Variants in ZNF213 observed in about 807,000 individuals in gnomAD.
The protein encoded by ZNF213 is zinc finger protein 213, also known as putative transcription factor CR53.
ZNF213 carries 32 observed loss-of-function variants against 46.0 expected under a neutral mutation model. That is an observed-to-expected ratio of 0.70 (90% confidence interval 0.52 to 0.93). ZNF213 has a LOEUF of 0.93. Among genes scored for constraint, ZNF213 ranks in the 40% least tolerant of loss-of-function variants. The pLI is 0.00. For missense variants in ZNF213, 639 were observed against 652.8 expected, an observed-to-expected ratio of 0.98 and a Z score of 0.23; for synonymous variants, 297 against 271.0, an observed-to-expected ratio of 1.10 and a Z score of -0.94.
rs745732868 is a variant in ZNF213 at position 3,138,458 on chromosome 16, G to A, written c.440G>A (p.Arg147Gln). 4.3e-5 allele frequency: 69 copies of A among 1,612,896 alleles called. 1 individual carries two copies. The highest frequency in any genetic ancestry group is 3.6e-4 in the South Asian group (33 of 91,014). The change falls in exon 3 of 6, where the codon CGG becomes CAG. Residue 147 changes from arginine to glutamine, a missense_variant. Transcript: ENST00000396878. ...SEEAEPEAAG[R>Q]GSQATGPPPT... is the part of the protein sequence containing the mutation. The stretch of plus-strand genomic sequence containing the variant: ...GAGGCGGAACCCGAGGCTGCAGGCC[G>A]GGGATCCCAGGCCACGGGGCCTCCC...
Position 3,139,068 on chromosome 16 carries a change from A to T in ZNF213, c.691A>T (p.Lys231Ter). 6.2e-7 allele frequency: 1 copy of T among 1,613,948 alleles called. No homozygotes were observed. Among genetic ancestry groups the T allele is most frequent in the Non-Finnish European group, 8.5e-7 (1 of 1,179,978 alleles). Residue 231 changes from lysine to a stop codon, truncating the protein, a stop_gained, in exon 5 of 6, where the codon AAG (lysine) becomes TAG (stop). Coordinates refer to ENST00000396878, the MANE Select transcript of ZNF213 (RefSeq NM_004220.3). LOFTEE classifies it high-confidence loss of function. The stretch of plus-strand genomic sequence containing the variant: ...TCAGCGGGATCTCTTCTGGGACATA[A>T]AGCGGGAGAACTCCCGGAACACCAC... ...PAQRDLFWDI[K>*]RENSRNTTLG...
intron 5 of ZNF213, 108 bp downstream of exon 5, chr16:3,139,206 A>G: frequency 6.8e-7 from 1 of 1,477,562 alleles, no homozygotes; most frequent in Non-Finnish European, 9.1e-7. Flanking sequence ...GGCTCTCCCT[A>G]GGTCTTGCCA....
In ZNF213 at chr16:3,137,675, G is replaced by C; in HGVS notation, c.395G>C (p.Arg132Pro). The C allele has an allele frequency of 1.2e-6, 2 of 1,613,230 alleles. No homozygotes were observed. The highest frequency in any genetic ancestry group is 1.7e-6 in the Non-Finnish European group (2 of 1,179,800). Residue 132 changes from arginine (R) to proline (P), a missense_variant, in exon 2 of 6, where the codon CGA becomes CCA. Arg to Pro is a moderately radical substitution (Grantham distance 103). Coordinates refer to ENST00000396878, the MANE Select transcript of ZNF213 (RefSeq NM_004220.3). Reference protein sequence around the residue: ...DLQKQPVKAWRQDVPSEEAEP... With the variant: ...DLQKQPVKAWPQDVPSEEAEP... ...CAGAAGCAGCCAGTGAAAGCCTGGCGACAGGTGAGGGGCCCTTCCACATCC... is the reference window on the plus strand; with the variant it reads ...CAGAAGCAGCCAGTGAAAGCCTGGCCACAGGTGAGGGGCCCTTCCACATCC...
In ZNF213 at chr16:3,138,777, C is replaced by G. The variant is rs376398072; in HGVS notation, c.556C>G (p.Pro186Ala). Residue 186 changes from proline (P) to alanine (A), a missense_variant, in exon 4 of 6, where the codon CCC becomes GCC. By Grantham distance (27) the Pro-to-Ala change is conservative. Coordinates refer to ENST00000396878, the MANE Select transcript of ZNF213 (RefSeq NM_004220.3). The stretch of plus-strand genomic sequence containing the variant: ...TCCTGCTCTTCTTAAAGAGGGTCGT[C>G]CCGGAGAGACGACGGACACCTGCTT... ...QPPALLKEGRPGETTDTCFVS... is the reference protein window; with the variant it reads ...QPPALLKEGRAGETTDTCFVS... The G allele has an allele frequency of 6.2e-7, 1 of 1,613,926 alleles. No homozygotes were observed. Among genetic ancestry groups the G allele is most frequent in the African/African-American group, 1.3e-5 (1 of 74,914 alleles).
intron 2 of ZNF213, 57 bp downstream of exon 2, chr16:3,137,736 T>C (rs1189188155): frequency 6.4e-7 from 1 of 1,568,710 alleles, no homozygotes; most frequent in East Asian, 2.3e-5. Context: ...TCGAGAGAAG[T>C]GGGTAACCTG....
Position 3,140,832 on chromosome 16 carries a change from G to C in ZNF213, c.865G>C (p.Ala289Pro). 6.3e-7 allele frequency: 1 copy of C among 1,590,876 alleles called. No individual in the cohort carries two copies. Among genetic ancestry groups the C allele is most frequent in the Non-Finnish European group, 8.5e-7 (1 of 1,171,960 alleles). Residue 289 changes from alanine to proline, a missense_variant, in exon 6 of 6, where the codon GCC becomes CCC. By Grantham distance (27) the Ala-to-Pro change is conservative. Transcript: ENST00000396878. ...GGAGAGCGAGAACCGGCCGAGGGCG[G>C]CCCTGGGCCCAGTGGTGGGCGCGCG... The part of the protein sequence containing the change: ...AWESENRPRA[A>P]LGPVVGARRG...
rs147991342 is a variant in ZNF213, at chr16:3,141,330, G to A, written c.1363G>A (p.Ala455Thr). 1,803 of 1,565,826 alleles carry A rather than the reference G, an allele frequency of 1.2e-3. 10 individuals carry two copies. The Middle Eastern group carries it at 0.016, about 14-fold the overall frequency. ...IAHQSLHAKMAQPVG is the reference protein window; with the variant it reads ...IAHQSLHAKMTQPVG ...GCATCAGAGCCTGCACGCCAAGATG[G>A]CCCAGCCCGTGGGGTGAGCAGCTGG... The change falls in exon 6 of 6, where the codon GCC (alanine) becomes ACC (threonine). Residue 455 changes from alanine to threonine, a missense_variant. Transcript: ENST00000396878.
At chr16:3,140,461 G>A (rs1165577938) in intron 5 of ZNF213, 3 of 517,366 alleles carry the variant, frequency 5.8e-6, no homozygotes, top group Non-Finnish European at 6.0e-6. Flanking sequence ...AACCTCAGGT[G>A]ATCAGCTCGC....
Position 3,141,313 on chromosome 16 carries a change from G to T in ZNF213, c.1346G>T (p.Ser449Ile). 1.3e-6 allele frequency: 2 copies of T among 1,589,078 alleles called. No homozygotes were observed. Among genetic ancestry groups the T allele is most frequent in the Non-Finnish European group, 8.6e-7 (1 of 1,168,716 alleles). ...CGCGCGCACCTCATCGCGCATCAGA[G>T]CCTGCACGCCAAGATGGCCCAGCCC... ...KQRAHLIAHQ[S>I]LHAKMAQPVG Residue 449 changes from serine (S) to isoleucine (I), a missense_variant, in exon 6 of 6, where the codon AGC becomes ATC. Coordinates refer to ENST00000396878, the MANE Select transcript of ZNF213 (RefSeq NM_004220.3).
chr16:3,135,152 T>G lies in ZNF213; in HGVS notation c.-351T>G, dbSNP rs1260570849. 2 of 152,798 alleles carry G rather than the reference T, an allele frequency of 1.3e-5. No individual in the cohort carries two copies. Among genetic ancestry groups the G allele is most frequent in the African/African-American group, 4.8e-5 (2 of 41,328 alleles). 9.5% of individuals were successfully genotyped at this position (152,798 alleles called of 1,614,324 possible). ...GGCGGGGACGGGGCCTCTGGCCGCC[T>G]GGCTCCAACATCAAGCACCGGGCTC... is the stretch of plus-strand genomic sequence containing the variant. On this transcript the variant is annotated 5_prime_UTR_variant, in exon 1 of 6. Coordinates refer to ENST00000396878, the MANE Select transcript of ZNF213 (RefSeq NM_004220.3).
In ZNF213 at chr16:3,138,422, T is replaced by C. The variant is rs774105754; in HGVS notation, c.404T>C (p.Val135Ala). 12 of 1,613,404 alleles carry C rather than the reference T, an allele frequency of 7.4e-6. No individual in the cohort carries two copies. The East Asian group carries it at 8.9e-5, about 12-fold the overall frequency. ...KQPVKAWRQD[V>A]PSEEAEPEAA... ...CATGTTGTGGTTCCTGCACAGGATG[T>C]GCCCTCGGAGGAGGCGGAACCCGAG... The change falls in exon 3 of 6, where the codon GTG becomes GCG. Residue 135 changes from valine (V) to alanine (A), a missense_variant. Physicochemically the swap from Val to Ala is moderately conservative, Grantham distance 64. Coordinates refer to ENST00000396878, the MANE Select transcript of ZNF213 (RefSeq NM_004220.3).
At position 3,138,519 on chromosome 16, in the gene ZNF213, C is replaced by T. The variant is rs199892036; in HGVS notation, c.501C>T (p.Pro167=). 8.1e-6 allele frequency: 13 copies of T among 1,614,060 alleles called. No individual in the cohort carries two copies. The African/African-American group carries it at 1.3e-4, about 17-fold the overall frequency. Residue 167 remains proline (P), a synonymous_variant, in exon 3 of 6, where the codon CCC becomes CCT. Coordinates refer to ENST00000396878, the MANE Select transcript of ZNF213 (RefSeq NM_004220.3). ...TVGARRRPSV[P]QEQHSHSAQP... ...GGGCACGGAGGCGGCCGTCTGTTCC[C>T]CAGGAGCAGCACAGCCATAGCGGTG...
At chr16:3,137,863 G>C in intron 2 of ZNF213, 184 bp downstream of exon 2, 1 of 755,232 alleles carries the variant, frequency 1.3e-6, no homozygotes. Flanking sequence ...CAAAGTAAAT[G>C]TGATTTATTT....
Position 3,140,773 on chromosome 16 carries a change from C to G in ZNF213, c.806C>G (p.Thr269Ser), listed in dbSNP as rs908022930. Residue 269 changes from threonine (T) to serine (S), a missense_variant, in exon 6 of 6, where the codon ACT becomes AGT. Thr to Ser is a moderately conservative substitution (Grantham distance 58). Transcript: ENST00000396878. ...CCAGGCCAGACAGGCAGCGACGTGA[C>G]TGTGTCCTGGAGCCCCGAGGAGGCT... ...VVPGQTGSDV[T>S]VSWSPEEAEA... The G allele has an allele frequency of 3.8e-6, 6 of 1,585,416 alleles. No homozygotes were observed. In the Admixed American group the frequency reaches 9.3e-5, roughly 25 times the overall value.
intron 5 of ZNF213, 51 bp from the exon 6 acceptor site, chr16:3,140,638 C>G (rs746849597): frequency 6.8e-7 from 1 of 1,468,006 alleles, no homozygotes; most frequent in South Asian, 1.5e-5. Context: ...CACCTCAGCT[C>G]TGGCCCCAGA....
At position 3,135,155 on chromosome 16, in the gene ZNF213, C is replaced by G. The variant is rs1957520430; in HGVS notation, c.-348C>G. 6.5e-6 allele frequency: 1 copy of G among 152,956 alleles called. No individual in the cohort carries two copies. Among genetic ancestry groups the G allele is most frequent in the South Asian group, 1.8e-4 (1 of 5,666 alleles). 9.5% of individuals were successfully genotyped at this position (152,956 alleles called of 1,614,324 possible). On this transcript the variant is annotated 5_prime_UTR_variant, in exon 1 of 6. Coordinates refer to ENST00000396878, the MANE Select transcript of ZNF213 (RefSeq NM_004220.3). ...GGGGACGGGGCCTCTGGCCGCCTGG[C>G]TCCAACATCAAGCACCGGGCTCCGA...
Position 3,141,638 on chromosome 16 carries a change from G to A in ZNF213, c.*291G>A. On this transcript the variant is annotated 3_prime_UTR_variant, in exon 6 of 6. Coordinates refer to ENST00000396878, the MANE Select transcript of ZNF213 (RefSeq NM_004220.3). ...GGAGCCCCAACACATTCCTGGCAGG[G>A]ACAGCAGGGTGGCAAGGACTCAGGT... 1 of 457,048 alleles carries A rather than the reference G, an allele frequency of 2.2e-6. No homozygotes were observed. The highest frequency in any genetic ancestry group is 3.9e-6 in the Non-Finnish European group (1 of 258,344). 28.3% of individuals were successfully genotyped at this position (457,048 alleles called of 1,614,324 possible).
intron 5 of ZNF213, chr16:3,139,742 TTC>T (rs1400218799): frequency 6.6e-6 from 1 of 152,234 alleles, no homozygotes; most frequent in Non-Finnish European, 1.5e-5. Context: ...GGGAAAAATT[TTC>T]TTTCTTTTTT....
Position 3,142,178 on chromosome 16 carries a change from C to T in ZNF213, c.*831C>T, listed in dbSNP as rs529344801. ...CTCCATCAGCACTAGCACCTCACTC[C>T]ATCGGCCCCGGCACCCTGCTCCATC... On this transcript the variant is annotated 3_prime_UTR_variant, in exon 6 of 6. Coordinates refer to ENST00000396878, the MANE Select transcript of ZNF213 (RefSeq NM_004220.3). The T allele has an allele frequency of 5.8e-4, 120 of 207,222 alleles. No homozygotes were observed. The highest frequency in any genetic ancestry group is 2.1e-3 in the Middle Eastern group (1 of 478). 12.8% of individuals were successfully genotyped at this position (207,222 alleles called of 1,614,324 possible).
Sources: gnomAD v4.1 joint callset for allele counts on GRCh38, gnomAD v4.1.1 for gene constraint, MANE v1.5 for transcripts, NCBI Gene and HGNC (gene_info 2026-07-23, HGNC 2026-07-21) for gene names.